Variants in IL1RAPL1 observed in about 807,000 individuals in gnomAD.
The protein encoded by IL1RAPL1 is interleukin 1 receptor accessory protein like 1.
A neutral mutation model predicts 48.4 loss-of-function variants in IL1RAPL1; 3 were observed. The ratio of observed to expected loss-of-function variants is 0.06; its 90% confidence interval spans 0.03 to 0.16. IL1RAPL1 has a LOEUF of 0.16. Ranked by LOEUF, IL1RAPL1 falls within the 10% of genes least tolerant of loss-of-function variation. The pLI, the probability that IL1RAPL1 is intolerant of heterozygous loss-of-function variation, is 1.00. For missense variants in IL1RAPL1, 349 were observed against 530.6 expected (o/e 0.66, Z 3.36); for synonymous variants, 185 against 187.7 (o/e 0.99, Z 0.12).
intron 2 of IL1RAPL1, among the ~76,000 whole-genome samples, chrX:29,010,026 G>A (rs999385783): frequency 8.9e-6 from 1 of 111,833 alleles, no homozygotes; most frequent in African/African-American, 3.3e-5. Context: ...TATAGTAAAT[G>A]GGATTGCATT....
rs112136925 is a variant in IL1RAPL1 at position 28,916,443 on chromosome X, G to A, written c.82+127018G>A. 1.7e-3 allele frequency among the ~76,000 whole-genome samples: 190 copies of A among 112,222 alleles called. 1 individual carries two copies. Among genetic ancestry groups the A allele is most frequent in the Middle Eastern group, 9.2e-3 (2 of 218 alleles). Reference sequence around the variant, plus strand: ...GGGTTTAACATATTCAAGAACTAGTGTACCCCAAGCCTAAAGGTAGAGACT... The same window carrying A: ...GGGTTTAACATATTCAAGAACTAGTATACCCCAAGCCTAAAGGTAGAGACT... On this transcript the variant is annotated intron_variant, in intron 2 of 10. Transcript: ENST00000378993.
At chrX:29,562,770 A>G (rs1286081838) in intron 5 of IL1RAPL1, among the ~76,000 whole-genome samples, 2 of 112,170 alleles carry the variant, frequency 1.8e-5, no homozygotes, top group Non-Finnish European at 3.8e-5. Flanking sequence ...TAAATCTCTC[A>G]CTAAACTTTG....
intron 5 of IL1RAPL1, among the ~76,000 whole-genome samples, chrX:29,504,050 T>G (rs1935302776): frequency 9.3e-6 from 1 of 107,264 alleles, no homozygotes; most frequent in African/African-American, 3.4e-5. Flanking sequence ...AACCTCTGCC[T>G]CCTGGGTTCA....
At chrX:29,585,474 T>C (rs1156389985) in intron 5 of IL1RAPL1, among the ~76,000 whole-genome samples, 1 of 112,396 alleles carries the variant, frequency 8.9e-6, no homozygotes, top group South Asian at 3.7e-4. Flanking sequence ...CTTGCTATTG[T>C]AAATAATGCT....
intron 3 of IL1RAPL1, among the ~76,000 whole-genome samples, chrX:29,296,696 C>T (rs1932455430): frequency 9.0e-6 from 1 of 111,150 alleles, no homozygotes; most frequent in African/African-American, 3.3e-5. Flanking sequence ...TGTAGAATTA[C>T]CTCACTGGCA....
intron 2 of IL1RAPL1, among the ~76,000 whole-genome samples, chrX:29,196,322 C>T (rs1198847771): frequency 8.9e-6 from 1 of 111,864 alleles, no homozygotes; most frequent in Admixed American, 9.5e-5. Flanking sequence ...ACAATAATAT[C>T]GTAGTATGTC....
intron 5 of IL1RAPL1, among the ~76,000 whole-genome samples, chrX:29,613,761 CTT>C (rs1292640918): frequency 6.8e-5 from 3 of 44,296 alleles, no homozygotes; most frequent in African/African-American, 9.1e-5. Flanking sequence ...GTGTGTGTTT[CTT>C]TTTTTTTTTT....
chrX:28,641,219 A>C (rs909499004), intron 1 of IL1RAPL1, among the ~76,000 whole-genome samples: 1 of 108,340 alleles, frequency 9.2e-6, no homozygotes, highest in South Asian at 4.2e-4. Flanking sequence ...CCCCCAGCCC[A>C]CCACTCCCCA....
chrX:29,526,482 G>A (rs1445209544), intron 5 of IL1RAPL1, among the ~76,000 whole-genome samples: 1 of 111,823 alleles, frequency 8.9e-6, no homozygotes, highest in East Asian at 2.8e-4. Context: ...TCTATTTGCA[G>A]ATAACATGAT....
chrX:29,658,262 A>C, intron 5 of IL1RAPL1, among the ~76,000 whole-genome samples: 1 of 111,553 alleles, frequency 9.0e-6, no homozygotes, highest in Non-Finnish European at 1.9e-5. Flanking sequence ...GTCTTGGTGC[A>C]TCAAACAGGG....
intron 2 of IL1RAPL1, among the ~76,000 whole-genome samples, chrX:28,874,243 C>T (rs930183013): frequency 8.1e-5 from 9 of 111,755 alleles, no homozygotes; most frequent in African/African-American, 2.9e-4. Flanking sequence ...AGGCATAATT[C>T]TCAATGAAAT....
intron 2 of IL1RAPL1, among the ~76,000 whole-genome samples, chrX:28,930,831 C>T (rs970211890): frequency 1.8e-5 from 2 of 110,302 alleles, no homozygotes; most frequent in African/African-American, 3.3e-5. Context: ...TTGGTAGAGA[C>T]GGGGTTTCAC....
intron 1 of IL1RAPL1, among the ~76,000 whole-genome samples, chrX:28,706,880 A>G (rs769066797): frequency 1.1e-3 from 120 of 112,335 alleles, no homozygotes; most frequent in Non-Finnish European, 2.0e-3. Context: ...TTTGGGGGCC[A>G]GATGCACAAA....
chrX:29,251,430 T>C (rs961345252), intron 2 of IL1RAPL1, among the ~76,000 whole-genome samples: 8 of 111,632 alleles, frequency 7.2e-5, no homozygotes, highest in African/African-American at 2.6e-4. Flanking sequence ...TATATGGGGA[T>C]AACAGTAGAC....
intron 5 of IL1RAPL1, among the ~76,000 whole-genome samples, chrX:29,557,347 T>A (rs1388968744): frequency 9.0e-6 from 1 of 111,691 alleles, no homozygotes; most frequent in Non-Finnish European, 1.9e-5. Context: ...TTCTTAGAGA[T>A]TCTATTCTGA....
intron 3 of IL1RAPL1, among the ~76,000 whole-genome samples, chrX:29,326,304 C>T (rs751093336): frequency 8.9e-6 from 1 of 112,212 alleles, no homozygotes; most frequent in South Asian, 3.7e-4. Flanking sequence ...TGAGGTCTTA[C>T]CAAGGATACT....
chrX:29,345,802 AT>A (rs1933142731), intron 3 of IL1RAPL1, among the ~76,000 whole-genome samples: 2 of 111,778 alleles, frequency 1.8e-5, no homozygotes, highest in South Asian at 7.3e-4. Flanking sequence ...ATATATATAT[AT>A]GTTTGTACAA....
intron 6 of IL1RAPL1, among the ~76,000 whole-genome samples, chrX:29,914,194 G>T (rs940553786): frequency 8.9e-6 from 1 of 112,133 alleles, no homozygotes; most frequent in Non-Finnish European, 1.9e-5. Context: ...AAAGCAGATT[G>T]CTTCTTACAT....
At chrX:29,192,155 G>T (rs748144426) in intron 2 of IL1RAPL1, among the ~76,000 whole-genome samples, 3 of 111,584 alleles carry the variant, frequency 2.7e-5, no homozygotes, top group Non-Finnish European at 5.6e-5. Flanking sequence ...GACACGACTC[G>T]CAGGCATATG....
Sources: gnomAD v4.1 joint callset for allele counts (sites outside exome capture counted in the v4.1 genomes callset) on GRCh38, gnomAD v4.1.1 for gene constraint, MANE v1.5 for transcripts, NCBI Gene and HGNC (gene_info 2026-07-23, HGNC 2026-07-21) for gene names.